ATG13: variants seen among roughly 807,000 people sequenced by gnomAD.
ATG13 encodes the protein autophagy-related protein 13.
A neutral mutation model predicts 65.5 loss-of-function variants in ATG13; 23 were observed. That is an observed-to-expected ratio of 0.35 (90% CI 0.25 to 0.50). ATG13 has a LOEUF of 0.50. ATG13 is among the 20% of genes least tolerant of loss of function. ATG13 has a pLI of 0.98. For missense variants in ATG13, 566 were observed against 677.0 expected, an observed-to-expected ratio of 0.84 and a Z score of 1.82; for synonymous variants, 252 against 245.2, an observed-to-expected ratio of 1.03 and a Z score of -0.26.
intron 14 of ATG13, among the ~76,000 whole-genome samples, chr11:46,666,794 C>G (rs2062464175): frequency 6.6e-6 from 1 of 152,072 alleles, no homozygotes; most frequent in Non-Finnish European, 1.5e-5. Flanking sequence ...TTTTGAAGGC[C>G]CCAGAGATAC....
chr11:46,624,629 G>A (rs1167014447), intron 1 of ATG13, among the ~76,000 whole-genome samples: 1 of 152,030 alleles, frequency 6.6e-6, no homozygotes, highest in African/African-American at 2.4e-5. Flanking sequence ...GTTTTAGCAA[G>A]AAAGCTATGT....
At chr11:46,623,510 C>G (rs910991493) in intron 1 of ATG13, among the ~76,000 whole-genome samples, 1 of 152,036 alleles carries the variant, frequency 6.6e-6, no homozygotes, top group African/African-American at 2.4e-5. Flanking sequence ...TCACTGCAAC[C>G]TCTGCCTCCC....
chr11:46,636,441 C>T (rs934315547), intron 2 of ATG13, among the ~76,000 whole-genome samples: 1 of 151,648 alleles, frequency 6.6e-6, no homozygotes, highest in African/African-American at 2.4e-5. Context: ...ACCTGTAGTC[C>T]CAGCTACTCA....
At chr11:46,669,105 T>C (rs560505040) in intron 17 of ATG13, among the ~76,000 whole-genome samples, 195 bp downstream of exon 17, 2 of 152,336 alleles carry the variant, frequency 1.3e-5, no homozygotes, top group African/African-American at 4.8e-5. Flanking sequence ...GTCATGCCTT[T>C]GGTTAAAATT....
intron 2 of ATG13, among the ~76,000 whole-genome samples, chr11:46,632,724 T>G (rs1032463188): frequency 1.3e-4 from 20 of 152,224 alleles, no homozygotes; most frequent in African/African-American, 4.8e-4. Context: ...CTTGCCCCTG[T>G]GGTAGAGAAG....
chr11:46,665,616 C>T, intron 14 of ATG13, 97 bp downstream of exon 14: 1 of 1,468,050 alleles, frequency 6.8e-7, no homozygotes, highest in Admixed American at 2.0e-5. Flanking sequence ...GAGTAACTTT[C>T]AGCATTGGCT....
At chr11:46,633,007 T>A (rs771841984) in intron 2 of ATG13, among the ~76,000 whole-genome samples, 7,025 of 101,924 alleles carry the variant, frequency 0.069, 676 homozygotes, top group African/African-American at 0.26. Flanking sequence ...AAAAAAAATA[T>A]ATATATATAT....
chr11:46,666,321 C>G lies in ATG13; in HGVS notation c.1136+802C>G, dbSNP rs73451887. Among the ~76,000 whole-genome samples, 1,260 of 152,262 alleles carry G rather than the reference C, an allele frequency of 8.3e-3. 19 individuals are homozygous for G. Among genetic ancestry groups the G allele is most frequent in the African/African-American group, 0.029 (1,204 of 41,540 alleles). On this transcript the variant is annotated intron_variant, in intron 14 of 18. Transcript: ENST00000683050. ...CAAGATTTATATCCTTGGAGTCAGT[C>G]CTTAGTGTTTCCCAAGGACCAGAAC...
intron 8 of ATG13, 183 bp from the exon 9 acceptor site, chr11:46,656,912 C>CACACAT (rs150786219): frequency 0.16 from 92,814 of 592,938 alleles, 7,793 homozygotes; most frequent in African/African-American, 0.24. Context: ...TATATATACA[C>CACACAT]ACACATACAC....
chr11:46,665,643 G>GT, intron 14 of ATG13, 124 bp downstream of exon 14: 1 of 1,329,842 alleles, frequency 7.5e-7, no homozygotes, highest in Non-Finnish European at 1.0e-6. Context: ...TGGCATTTGA[G>GT]CCCAAAGCAT....
intron 10 of ATG13, among the ~76,000 whole-genome samples, chr11:46,658,974 G>A (rs2060598340): frequency 6.6e-6 from 1 of 152,172 alleles, no homozygotes; most frequent in South Asian, 2.1e-4. Context: ...AGGATTGCTT[G>A]AGCTTAGGAA....
intron 1 of ATG13, among the ~76,000 whole-genome samples, chr11:46,619,731 T>TA (rs1023681024): frequency 4.0e-5 from 6 of 151,372 alleles, no homozygotes; most frequent in African/African-American, 1.5e-4. Context: ...GCCAGTTTAT[T>TA]AAAAATCCTC....
intron 2 of ATG13, among the ~76,000 whole-genome samples, chr11:46,640,675 CAAT>C (rs2055673520): frequency 1.3e-5 from 2 of 152,066 alleles, no homozygotes; most frequent in African/African-American, 4.8e-5. Context: ...AAAAATACAA[CAAT>C]AAGATAGGAT....
chr11:46,633,461 C>T (rs948199906), intron 2 of ATG13, among the ~76,000 whole-genome samples: 5 of 151,778 alleles, frequency 3.3e-5, no homozygotes, highest in Non-Finnish European at 7.4e-5. Flanking sequence ...GATTCTTGTG[C>T]CTCAGCCTCT....
intron 9 of ATG13, 120 bp downstream of exon 9, chr11:46,657,311 TAAAG>T (rs1057346372): frequency 1.9e-6 from 2 of 1,046,376 alleles, no homozygotes; most frequent in Non-Finnish European, 2.8e-6. Flanking sequence ...TTCAGAAGAA[TAAAG>T]AGAGAGTGCA....
Position 46,668,861 on chromosome 11 carries a change from G to A in ATG13, c.1397G>A (p.Ser466Asn). The change falls in exon 17 of 19, where the codon AGC becomes AAC. Residue 466 changes from serine to asparagine, a missense_variant. Transcript: ENST00000683050. The part of the protein sequence containing the change: ...LQGSLHSDGS[S>N]GGSSGNTHDD... ...GGCAGCCTGCACTCAGATGGCTCCAGCGGGGGCAGCAGTGGCAATACCCAT... is the reference window on the plus strand; with the variant it reads ...GGCAGCCTGCACTCAGATGGCTCCAACGGGGGCAGCAGTGGCAATACCCAT... 6.2e-7 allele frequency: 1 copy of A among 1,614,050 alleles called. No individual in the cohort carries two copies. The highest frequency in any genetic ancestry group is 8.5e-7 in the Non-Finnish European group (1 of 1,180,008).
Position 46,617,732 on chromosome 11 carries a change from C to T in ATG13, c.-228C>T. The T allele has an allele frequency of 2.5e-6, 1 of 398,242 alleles. No homozygotes were observed. The highest frequency in any genetic ancestry group is 3.6e-5 in the East Asian group (1 of 28,048). The allele number at this position is 398,242 out of a possible 1,614,324, so 24.7% of individuals were successfully genotyped here. A position where few individuals can be genotyped will look rare whatever the true frequency, so the allele number is the denominator to read the frequency against. ...GAGCAAAACGTCTGGGGCCTGCGAG[C>T]CAGGACCCTTCTGAAGCCTTAGGTG... On this transcript the variant is annotated 5_prime_UTR_variant, in exon 1 of 19. Transcript: ENST00000683050.
intron 2 of ATG13, 100 bp downstream of exon 2, chr11:46,630,200 G>A (rs900801038): frequency 2.0e-5 from 3 of 152,222 alleles, no homozygotes; most frequent in Non-Finnish European, 4.4e-5. Flanking sequence ...GAAAAGCTGA[G>A]AAGGAGAGAT....
intron 7 of ATG13, among the ~76,000 whole-genome samples, chr11:46,654,087 C>A (rs1047566862): frequency 4.0e-5 from 6 of 149,622 alleles, no homozygotes; most frequent in Non-Finnish European, 1.5e-5. Flanking sequence ...TTACCTAGTT[C>A]ATTATTCCAC....
Sources: gnomAD v4.1 joint callset for allele counts (sites outside exome capture counted in the v4.1 genomes callset) on GRCh38, gnomAD v4.1.1 for gene constraint, MANE v1.5 for transcripts, NCBI Gene and HGNC (gene_info 2026-07-23, HGNC 2026-07-21) for gene names.